The following ABLIM1 variants were observed in gnomAD, a reference collection of about 807,000 sequenced individuals.
The protein encoded by ABLIM1 is actin binding LIM protein 1, also known as actin-binding LIM protein 1.
A neutral mutation model predicts 107.0 loss-of-function variants in ABLIM1; 40 were observed. That is an observed-to-expected ratio of 0.37 (90% confidence interval 0.29 to 0.49). The LOEUF is 0.49. ABLIM1 is among the 20% of genes least tolerant of loss of function. ABLIM1 has a pLI of 0.97. For synonymous variants in ABLIM1, 357 were observed against 357.3 expected, an observed-to-expected ratio of 1.00 and a Z score of 0.01; for missense variants, 857 against 1,008.5, an observed-to-expected ratio of 0.85 and a Z score of 2.04.
intron 18 of ABLIM1, 41 bp downstream of exon 18, chr10:114,441,681 G>A (rs1565222178): frequency 3.8e-6 from 6 of 1,565,772 alleles, no homozygotes; most frequent in Non-Finnish European, 4.4e-6. Flanking sequence ...GGGCCGAGGT[G>A]GGAGTAAAGG....
chr10:114,524,982 C>T (rs1331095439), intron 6 of ABLIM1, among the ~76,000 whole-genome samples: 1 of 152,254 alleles, frequency 6.6e-6, no homozygotes, highest in African/African-American at 2.4e-5. Context: ...ATAGACCCTT[C>T]CCCCTCGTTG....
intron 8 of ABLIM1, among the ~76,000 whole-genome samples, chr10:114,481,095 A>G (rs1196206463): frequency 5.9e-5 from 9 of 152,160 alleles, no homozygotes; most frequent in African/African-American, 1.7e-4. Context: ...AATTAATTGA[A>G]GACATCCTCT....
chr10:114,472,072 G>A (rs573749322), intron 10 of ABLIM1, among the ~76,000 whole-genome samples: 81 of 152,040 alleles, frequency 5.3e-4, no homozygotes, highest in Non-Finnish European at 1.1e-3. Context: ...GAGTATTAAC[G>A]AGCCCCAAGA....
intron 2 of ABLIM1, among the ~76,000 whole-genome samples, chr10:114,589,451 C>T (rs2074593213): frequency 1.3e-5 from 2 of 151,470 alleles, no homozygotes; most frequent in South Asian, 4.2e-4. Flanking sequence ...ATTACTTGAA[C>T]CTGGGAGGCA....
At chr10:114,516,803 G>T (rs139086686) in intron 6 of ABLIM1, among the ~76,000 whole-genome samples, 1 of 152,150 alleles carries the variant, frequency 6.6e-6, no homozygotes, top group Non-Finnish European at 1.5e-5. Context: ...AAAACTCTCA[G>T]GGCTTACAAA....
intron 1 of ABLIM1, among the ~76,000 whole-genome samples, chr10:114,729,468 T>C (rs77190306): frequency 0.054 from 8,262 of 152,148 alleles, 366 homozygotes; most frequent in African/African-American, 0.11. Flanking sequence ...GGGCCAAATC[T>C]GGAAGTAATT....
In ABLIM1 at chr10:114,529,052, C is replaced by T. The variant is rs547378916; in HGVS notation, c.894+15953G>A. ...TACAAAGGTAAAATGGGACACTTAC[C>T]CAGGCTTCTAGTCACATGGCAAGAA... On this transcript the variant is annotated intron_variant, in intron 6 of 22. Transcript: ENST00000533213. Among the ~76,000 whole-genome samples, 9 of 152,136 alleles carry T rather than the reference C, an allele frequency of 5.9e-5. No homozygotes were observed. In the East Asian group the frequency reaches 1.7e-3, roughly 29 times the overall value.
At position 114,432,096 on chromosome 10, in the gene ABLIM1, C is replaced by T. The variant is rs540657505; in HGVS notation, c.*4164G>A. ...TGGTATCACTGCAAATCTCAAGTCC[C>T]AAATAATCTCTTTTTCTGGATAGAA... On this transcript the variant is annotated 3_prime_UTR_variant, in exon 23 of 23. Coordinates refer to ENST00000533213, the MANE Select transcript of ABLIM1 (RefSeq NM_002313.7). The T allele has an allele frequency of 6.6e-6, 1 of 152,264 alleles. No individual in the cohort carries two copies. The highest frequency in any genetic ancestry group is 1.9e-4 in the East Asian group (1 of 5,190). 9.4% of individuals were successfully genotyped at this position (152,264 alleles called of 1,614,324 possible). A position where few individuals can be genotyped will look rare whatever the true frequency, so the allele number is the denominator to read the frequency against.
intron 6 of ABLIM1, among the ~76,000 whole-genome samples, chr10:114,536,514 C>A (rs1247394785): frequency 6.6e-6 from 1 of 152,060 alleles, no homozygotes; most frequent in Non-Finnish European, 1.5e-5. Flanking sequence ...TCCCAAAGTG[C>A]TGGGATTACA....
chr10:114,761,906 C>A (rs986589215), intron 1 of ABLIM1, among the ~76,000 whole-genome samples: 1 of 152,118 alleles, frequency 6.6e-6, no homozygotes, highest in African/African-American at 2.4e-5. Flanking sequence ...AGAAGCCTCA[C>A]CTGATATGGT....
chr10:114,686,705 T>G (rs1045198631), upstream of ABLIM1, among the ~76,000 whole-genome samples: 2 of 152,110 alleles, frequency 1.3e-5, no homozygotes, highest in African/African-American at 4.8e-5. Flanking sequence ...CACAGCTCAC[T>G]GCAGCTTTGA....
chr10:114,681,108 T>C (rs892183166), intron 1 of ABLIM1, among the ~76,000 whole-genome samples: 2 of 152,198 alleles, frequency 1.3e-5, no homozygotes, highest in Non-Finnish European at 2.9e-5. Context: ...AATCTGCAGG[T>C]ACATTTAGCT....
chr10:114,589,775 A>T (rs1178846288), intron 2 of ABLIM1, among the ~76,000 whole-genome samples: 5 of 152,198 alleles, frequency 3.3e-5, no homozygotes, highest in East Asian at 1.9e-4. Context: ...AAAACTTTTT[A>T]AAAATAAGGT....
chr10:114,445,441 CA>C lies in ABLIM1; in HGVS notation c.1736-39del, dbSNP rs751983819. 1.9e-6 allele frequency: 3 copies of C among 1,557,072 alleles called. No individual in the cohort carries two copies. In the Admixed American group the frequency reaches 5.0e-5, roughly 26 times the overall value. ...CAAAGACAACTTCTCACATCAGCCC[CA>C]AGACAAGGGAATCTTAACGGGCTAG... On this transcript the variant is annotated intron_variant, in intron 15 of 22. Transcript: ENST00000533213.
chr10:114,734,123 G>T (rs1263976235), intron 1 of ABLIM1, among the ~76,000 whole-genome samples: 3 of 152,026 alleles, frequency 2.0e-5, no homozygotes, highest in Non-Finnish European at 2.9e-5. Context: ...GCCTCCCAAA[G>T]TGCTGGGATT....
the ABLIM1 span, among the ~76,000 whole-genome samples, chr10:114,796,946 G>A: frequency 6.6e-6 from 1 of 152,056 alleles, no homozygotes; most frequent in Non-Finnish European, 1.5e-5. Flanking sequence ...TGAACTTTCA[G>A]CTTCTTGACC....
rs1358859470 is a variant in ABLIM1, at chr10:114,526,907, C to G, written c.894+18098G>C. 3.0e-6 allele frequency: 3 copies of G among 985,410 alleles called. No homozygotes were observed. In the African/African-American group the frequency reaches 5.2e-5, roughly 17 times the overall value. 61.0% of individuals were successfully genotyped at this position (985,410 alleles called of 1,614,324 possible). ...CCCGTGTGCGGCGGGCAGGCACGCTCTCTCACGCCTCCTCTCCTCGCTTTA... is the reference window on the plus strand; with the variant it reads ...CCCGTGTGCGGCGGGCAGGCACGCTGTCTCACGCCTCCTCTCCTCGCTTTA... On this transcript the variant is annotated intron_variant, in intron 6 of 22. Transcript: ENST00000533213.
Position 114,591,328 on chromosome 10 carries a change from T to TA in ABLIM1, c.379+10498dup, listed in dbSNP as rs1402165510. 2.6e-5 allele frequency among the ~76,000 whole-genome samples: 4 copies of TA among 152,242 alleles called. No individual in the cohort carries two copies. The East Asian group carries it at 5.8e-4, about 22-fold the overall frequency. ...ATCTACCTATTTTATTTCCTTAATT[T>TA]AAAAAAATCAGTTTATGTTTATTAA... On this transcript the variant is annotated intron_variant, in intron 2 of 22. Coordinates refer to ENST00000533213, the MANE Select transcript of ABLIM1 (RefSeq NM_002313.7).
At chr10:114,666,140 T>C (rs919671905) in intron 1 of ABLIM1, among the ~76,000 whole-genome samples, 10 of 152,186 alleles carry the variant, frequency 6.6e-5, no homozygotes, top group African/African-American at 4.8e-5. Context: ...AAAATGCTTT[T>C]GGGCAGAATC....
Sources: allele counts gnomAD v4.1 joint callset (sites outside exome capture counted in the v4.1 genomes callset), GRCh38; gene constraint gnomAD v4.1.1; transcripts MANE v1.5; gene names NCBI Gene and HGNC (gene_info 2026-07-23, HGNC 2026-07-21).